COX10: variants seen among roughly 807,000 people sequenced by gnomAD.
COX10 encodes protoheme IX farnesyltransferase, mitochondrial.
Under a neutral mutation model 37.3 loss-of-function variants are expected in COX10, and 27 were observed. The observed-to-expected ratio is 0.72, with a 90% confidence interval of 0.53 to 1.00. The LOEUF (loss-of-function observed/expected upper bound fraction) is 1.00. Ranked by LOEUF, COX10 falls within the 50% of genes least tolerant of loss-of-function variation. The pLI is 0.00. For synonymous variants in COX10, 222 were observed against 229.1 expected, an observed-to-expected ratio of 0.97 and a Z score of 0.28; for missense variants, 475 against 563.2, an observed-to-expected ratio of 0.84 and a Z score of 1.59.
chr17:14,069,769 G>A, intron 1 of COX10, 121 bp downstream of exon 1: 1 of 1,173,356 alleles, frequency 8.5e-7, no homozygotes, highest in South Asian at 1.3e-5. Flanking sequence ...CCGGCCACCG[G>A]TGTGGTGGGG....
intron 4 of COX10, among the ~76,000 whole-genome samples, chr17:14,111,351 CA>C (rs1756034707): frequency 1.3e-5 from 2 of 152,182 alleles, no homozygotes; most frequent in Non-Finnish European, 2.9e-5. Flanking sequence ...ACAACGATCA[CA>C]GGGGGAACAA....
intron 3 of COX10, among the ~76,000 whole-genome samples, chr17:14,082,246 C>T (rs1915312990): frequency 6.6e-6 from 1 of 152,132 alleles, no homozygotes; most frequent in African/African-American, 2.4e-5. Context: ...GGAAAAGACC[C>T]TGTCACAGAA....
chr17:14,074,250 G>A, intron 1 of COX10, 73 bp from the exon 2 acceptor site: 1 of 1,574,360 alleles, frequency 6.4e-7, no homozygotes. Context: ...CTTTGCTTCT[G>A]GGGAGGTGTA....
chr17:14,175,476 G>C (rs1048895219), intron 5 of COX10, among the ~76,000 whole-genome samples: 1 of 151,550 alleles, frequency 6.6e-6, no homozygotes. Context: ...CCACCTCATA[G>C]AGTTATGTGA....
At chr17:14,161,206 G>A (rs939989840) in intron 5 of COX10, among the ~76,000 whole-genome samples, 40 of 152,166 alleles carry the variant, frequency 2.6e-4, no homozygotes, top group Non-Finnish European at 8.8e-5. Context: ...GGCCTTAGCT[G>A]TTGTAATTGG....
chr17:14,187,402 T>C (rs1302448402), intron 5 of COX10, among the ~76,000 whole-genome samples: 3 of 152,230 alleles, frequency 2.0e-5, no homozygotes, highest in Admixed American at 6.5e-5. Context: ...CTGTGTGTTA[T>C]AAATATTAAT....
Position 14,186,424 on chromosome 17 carries a change from G to T in COX10, c.696-5565G>T, listed in dbSNP as rs1206833547. On this transcript the variant is annotated intron_variant, in intron 5 of 6. Transcript: ENST00000261643. Reference sequence around the variant, plus strand: ...TGCAACTCTCTTCTCCACCCTTTCCGCCCATCTCCCACCCATCCATCGGGT... The same window carrying T: ...TGCAACTCTCTTCTCCACCCTTTCCTCCCATCTCCCACCCATCCATCGGGT... Among the ~76,000 whole-genome samples the T allele has an allele frequency of 2.6e-5, 4 of 151,630 alleles. No individual in the cohort carries two copies. The East Asian group carries it at 7.7e-4, about 29-fold the overall frequency.
At chr17:14,182,482 A>G (rs144988963) in intron 5 of COX10, among the ~76,000 whole-genome samples, 26 of 152,168 alleles carry the variant, frequency 1.7e-4, no homozygotes, top group South Asian at 8.3e-4. Context: ...CTGAATTTAC[A>G]TCAGTCGTCT....
Position 14,074,428 on chromosome 17 carries a change from T to C in COX10, c.149T>C (p.Phe50Ser), listed in dbSNP as rs1437459149. 6.2e-7 allele frequency: 1 copy of C among 1,613,974 alleles called. No individual in the cohort carries two copies. The highest frequency in any genetic ancestry group is 1.3e-5 in the African/African-American group (1 of 75,038). The part of the protein sequence containing the change: ...LRNVNKQWIT[F>S]QHFSFLKRMY... Reference sequence around the variant, plus strand: ...AATGTCAATAAGCAGTGGATTACATTTCAGCACTTTAGCTTCCTCAAACGC... The same window carrying C: ...AATGTCAATAAGCAGTGGATTACATCTCAGCACTTTAGCTTCCTCAAACGC... Residue 50 changes from phenylalanine (F) to serine (S), a missense_variant, in exon 2 of 7, where the codon TTT (phenylalanine) becomes TCT (serine). By Grantham distance (155) the Phe-to-Ser change is radical. Coordinates refer to ENST00000261643, the MANE Select transcript of COX10 (RefSeq NM_001303.4).
At chr17:14,097,716 A>C (rs548417856) in intron 3 of COX10, among the ~76,000 whole-genome samples, 3 of 152,138 alleles carry the variant, frequency 2.0e-5, no homozygotes, top group Non-Finnish European at 4.4e-5. Flanking sequence ...GAACATTTCT[A>C]TTATTGACAG....
chr17:14,129,109 G>T (rs1916407186), intron 4 of COX10, among the ~76,000 whole-genome samples: 1 of 150,590 alleles, frequency 6.6e-6, no homozygotes, highest in African/African-American at 2.4e-5. Context: ...GCCTCCCAAA[G>T]TGCTGGGATT....
intron 4 of COX10, among the ~76,000 whole-genome samples, chr17:14,145,530 A>C (rs1251283564): frequency 1.8e-4 from 28 of 152,144 alleles, no homozygotes; most frequent in Admixed American, 1.8e-3. Flanking sequence ...GTAGCTCAGA[A>C]TGCTTAGAGT....
chr17:14,078,706 T>C (rs112224499), intron 3 of COX10, among the ~76,000 whole-genome samples: 167 of 152,292 alleles, frequency 1.1e-3, no homozygotes, highest in Middle Eastern at 6.8e-3. Flanking sequence ...TGCCCAGCGT[T>C]GCCAAACTAA....
At chr17:14,158,692 A>C (rs76179529) in intron 4 of COX10, among the ~76,000 whole-genome samples, 2,484 of 152,240 alleles carry the variant, frequency 0.016, 77 homozygotes, top group African/African-American at 0.056. Flanking sequence ...TGCCTAAAGT[A>C]AGGTTAATTT....
At chr17:14,205,954 T>G (rs890295305) in intron 6 of COX10, among the ~76,000 whole-genome samples, 2 of 152,188 alleles carry the variant, frequency 1.3e-5, no homozygotes, top group South Asian at 4.1e-4. Context: ...CAGGGTGTTA[T>G]GTCCTTGTTG....
At chr17:14,099,065 T>G (rs2142197888) in intron 3 of COX10, among the ~76,000 whole-genome samples, 1 of 152,272 alleles carries the variant, frequency 6.6e-6, no homozygotes, top group Non-Finnish European at 1.5e-5. Context: ...GCCTCTCGTT[T>G]GCCTTCAGCT....
chr17:14,166,612 CT>C (rs71147845), intron 5 of COX10, among the ~76,000 whole-genome samples: 36,252 of 96,326 alleles, frequency 0.38, 4,797 homozygotes, highest in East Asian at 0.6. Flanking sequence ...TCAATTCGAC[CT>C]TTTTTTTTTT....
At chr17:14,165,203 A>C (rs1169870120) in intron 5 of COX10, among the ~76,000 whole-genome samples, 1 of 152,200 alleles carries the variant, frequency 6.6e-6, no homozygotes, top group African/African-American at 2.4e-5. Flanking sequence ...ATGCAGGCAT[A>C]CCTCATTTTA....
intron 6 of COX10, among the ~76,000 whole-genome samples, chr17:14,198,695 CTGTTTCACTT>C (rs763513186): frequency 2.6e-5 from 4 of 152,156 alleles, no homozygotes; most frequent in Admixed American, 6.5e-5. Context: ...ATGTTCAGTT[CTGTTTCACTT>C]TATTTACCTC....
Sources: gnomAD v4.1 joint callset for allele counts (sites outside exome capture counted in the v4.1 genomes callset) on GRCh38, gnomAD v4.1.1 for gene constraint, MANE v1.5 for transcripts, NCBI Gene and HGNC (gene_info 2026-07-23, HGNC 2026-07-21) for gene names.